Variants in AUTS2 observed in about 807,000 individuals in gnomAD.
AUTS2 encodes the protein activator of transcription and developmental regulator AUTS2, also known as autism susceptibility gene 2 protein.
A neutral mutation model predicts 112.4 loss-of-function variants in AUTS2; 17 were observed. The ratio of observed to expected loss-of-function variants is 0.15; its 90% confidence interval spans 0.10 to 0.23. The LOEUF (loss-of-function observed/expected upper bound fraction) is 0.23. AUTS2 is among the 10% of genes least tolerant of loss of function. The probability of loss-of-function intolerance (pLI) is 1.00; values close to 1 mark genes in which losing one functional copy is unlikely to be tolerated. For synonymous variants in AUTS2, 751 were observed against 702.7 expected, an observed-to-expected ratio of 1.07 and a Z score of -1.09; for missense variants, 1,510 against 1,701.6, an observed-to-expected ratio of 0.89 and a Z score of 1.98.
Position 69,985,227 on chromosome 7 carries a change from T to TAAAA in AUTS2, c.522+85746_522+85749dup, listed in dbSNP as rs71068005. The stretch of plus-strand genomic sequence containing the variant: ...GCCTGAGCAACAGAGGAAGACTCTC[T>TAAAA]AAAAAAAAAAAAAAAAAAAAGAAAG... On this transcript the variant is annotated intron_variant, in intron 2 of 18. Transcript: ENST00000342771. Among the ~76,000 whole-genome samples the TAAAA allele has an allele frequency of 1.6e-3, 171 of 104,660 alleles. 1 individual carries two copies. Among genetic ancestry groups the TAAAA allele is most frequent in the African/African-American group, 5.6e-3 (153 of 27,286 alleles). 68.7% of individuals were successfully genotyped at this position (104,660 alleles called of 152,430 possible).
rs765160238 is a variant in AUTS2, at chr7:70,766,095, C to T, written c.1469-19C>T. 12 of 1,607,696 alleles carry T rather than the reference C, an allele frequency of 7.5e-6. No homozygotes were observed. The South Asian group carries it at 1.3e-4, about 18-fold the overall frequency. On this transcript the variant is annotated intron_variant, in intron 8 of 18. Transcript: ENST00000342771. This position sits in a 1 kb window ranked among gnomAD's most constrained non-coding sequence, Gnocchi z 4.8. Reference sequence around the variant, plus strand: ...TCTGAAGGAAAAGGCGTCATCGTCTCCCTCTTCTTCTCTTCCAGAGCAAGA... The same window carrying T: ...TCTGAAGGAAAAGGCGTCATCGTCTTCCTCTTCTTCTCTTCCAGAGCAAGA...
chr7:70,583,760 C>T, intron 5 of AUTS2, among the ~76,000 whole-genome samples: 1 of 152,206 alleles, frequency 6.6e-6, no homozygotes, highest in East Asian at 1.9e-4. Context: ...TCTGGGCGAG[C>T]CTTTCTTTGT....
chr7:69,981,836 A>C (rs1165636856), intron 2 of AUTS2, among the ~76,000 whole-genome samples: 1 of 152,226 alleles, frequency 6.6e-6, no homozygotes, highest in Non-Finnish European at 1.5e-5. Context: ...ATCAAAATAC[A>C]TATACTCGTT....
intron 2 of AUTS2, among the ~76,000 whole-genome samples, chr7:69,986,239 C>G (rs779330204): frequency 3.3e-5 from 5 of 152,200 alleles, no homozygotes; most frequent in African/African-American, 9.6e-5. Context: ...ATGTTATTAA[C>G]TGTTACATCC....
In AUTS2 at chr7:70,033,616, A is replaced by G. The variant is rs142394363; in HGVS notation, c.523-84516A>G. On this transcript the variant is annotated intron_variant, in intron 2 of 18. Transcript: ENST00000342771. ...AGACTAATAAGGAGAGAATGTTGAA[A>G]CCTGTTATTTGTAGTTAGAAGTGTA... 8.7e-3 allele frequency among the ~76,000 whole-genome samples: 1,319 copies of G among 152,292 alleles called. 12 individuals carry two copies. The highest frequency in any genetic ancestry group is 0.027 in the Middle Eastern group (8 of 294).
At chr7:69,821,736 G>A (rs1464451398) in intron 1 of AUTS2, among the ~76,000 whole-genome samples, 4 of 151,764 alleles carry the variant, frequency 2.6e-5, no homozygotes, top group Admixed American at 1.3e-4. Flanking sequence ...GACGTCCAAG[G>A]CTTCATTCTT....
chr7:70,377,756 G>A (rs529779660), intron 4 of AUTS2, among the ~76,000 whole-genome samples: 4 of 149,896 alleles, frequency 2.7e-5, no homozygotes, highest in East Asian at 2.0e-4. Context: ...GGCTTATTTC[G>A]CTTAGGATAA....
intron 1 of AUTS2, among the ~76,000 whole-genome samples, chr7:69,627,768 G>T (rs888303258): frequency 2.0e-5 from 3 of 152,142 alleles, no homozygotes; most frequent in African/African-American, 7.2e-5. Context: ...GCCCAGCTTT[G>T]CCACTACCTA....
intron 1 of AUTS2, among the ~76,000 whole-genome samples, chr7:69,834,035 C>G (rs558382023): frequency 6.6e-6 from 1 of 152,248 alleles, no homozygotes; most frequent in South Asian, 2.1e-4. Context: ...TCATGAACCA[C>G]TGCGATAGGC....
At chr7:69,851,177 G>C (rs192374925) in intron 1 of AUTS2, among the ~76,000 whole-genome samples, 1 of 152,250 alleles carries the variant, frequency 6.6e-6, no homozygotes, top group East Asian at 1.9e-4. Flanking sequence ...ACTGTTTCTA[G>C]GTTCTCTATT....
intron 4 of AUTS2, among the ~76,000 whole-genome samples, chr7:70,379,626 G>C (rs1793276655): frequency 6.6e-6 from 1 of 152,184 alleles, no homozygotes; most frequent in African/African-American, 2.4e-5. Context: ...CAGAATAAAA[G>C]ATGTAGTTGT....
chr7:69,930,546 G>A (rs1796189625), intron 2 of AUTS2, among the ~76,000 whole-genome samples: 1 of 149,834 alleles, frequency 6.7e-6, no homozygotes, highest in African/African-American at 2.4e-5. Context: ...CTGGTATCTT[G>A]AAAACCATTG....
chr7:70,785,822 T>C, intron 16 of AUTS2, 133 bp from the exon 17 acceptor site: 1 of 730,354 alleles, frequency 1.4e-6, no homozygotes, highest in South Asian at 1.8e-5. Flanking sequence ...CACCATCTGG[T>C]AGGAAAAGTG....
chr7:70,299,152 T>G (rs1789083112), intron 4 of AUTS2, among the ~76,000 whole-genome samples: 1 of 152,244 alleles, frequency 6.6e-6, no homozygotes, highest in Non-Finnish European at 1.5e-5. Flanking sequence ...TGCAATGTTT[T>G]GGGCTTGGAG....
intron 4 of AUTS2, among the ~76,000 whole-genome samples, chr7:70,247,015 G>A (rs916080660): frequency 6.6e-5 from 10 of 151,688 alleles, no homozygotes; most frequent in East Asian, 5.8e-4. Flanking sequence ...CTCGTTCTTC[G>A]TATATACCCA....
intron 5 of AUTS2, among the ~76,000 whole-genome samples, chr7:70,680,870 T>A (rs1563123480): frequency 6.6e-6 from 1 of 152,230 alleles, no homozygotes; most frequent in Non-Finnish European, 1.5e-5. Context: ...GAAAGTCTTG[T>A]TAGTTATAGG....
At chr7:69,993,434 A>C (rs548772079) in intron 2 of AUTS2, among the ~76,000 whole-genome samples, 33 of 152,332 alleles carry the variant, frequency 2.2e-4, no homozygotes, top group African/African-American at 7.7e-4. Context: ...CTGAGGTGGC[A>C]AAAACAATAA....
intron 5 of AUTS2, among the ~76,000 whole-genome samples, chr7:70,531,720 C>A (rs1279888917): frequency 6.6e-6 from 1 of 152,126 alleles, no homozygotes; most frequent in Non-Finnish European, 1.5e-5. Flanking sequence ...ACACCTCCCA[C>A]CAGGCCCCAC....
chr7:69,891,903 C>G (rs1794542652), intron 1 of AUTS2, among the ~76,000 whole-genome samples: 1 of 143,036 alleles, frequency 7.0e-6, no homozygotes, highest in African/African-American at 2.6e-5. Flanking sequence ...AAGCGATTCT[C>G]CTGCCTCAGC....
Sources: allele counts gnomAD v4.1 joint callset (sites outside exome capture counted in the v4.1 genomes callset), GRCh38; gene constraint gnomAD v4.1.1; non-coding constraint Gnocchi (gnomAD v3.1); transcripts MANE v1.5; gene names NCBI Gene and HGNC (gene_info 2026-07-23, HGNC 2026-07-21).